The following HAPLN3 variants were observed in gnomAD, a reference collection of about 807,000 sequenced individuals.
The protein encoded by HAPLN3 is hyaluronan and proteoglycan link protein 3.
HAPLN3 carries 28 observed loss-of-function variants against 28.1 expected under a neutral mutation model. That is an observed-to-expected ratio of 1.00 (90% CI 0.74 to 1.37). The LOEUF (loss-of-function observed/expected upper bound fraction) is 1.37, where lower values mean the gene tolerates loss of function less well. HAPLN3 is among the 40% of genes most tolerant of loss of function. The pLI is 0.00. For missense variants in HAPLN3, 513 were observed against 504.6 expected (o/e 1.02, Z -0.16); for synonymous variants, 211 against 213.1 (o/e 0.99, Z 0.09).
intron 2 of HAPLN3, among the ~76,000 whole-genome samples, chr15:88,885,073 A>G (rs762050793): frequency 1.3e-4 from 20 of 152,258 alleles, no homozygotes; most frequent in African/African-American, 4.8e-4. Context: ...CAGCTGACCT[A>G]GGAGACTAAT....
At chr15:88,892,078 G>A (rs905608770) in intron 1 of HAPLN3, among the ~76,000 whole-genome samples, 1 of 152,164 alleles carries the variant, frequency 6.6e-6, no homozygotes, top group African/African-American at 2.4e-5. Context: ...AGGCGTTTCT[G>A]CCACTAAGTG....
chr15:88,892,934 C>T (rs754421539), intron 1 of HAPLN3: 1 of 1,532,164 alleles, frequency 6.5e-7, no homozygotes. Flanking sequence ...ACAGAGGTGC[C>T]ACCAGCTGGA....
In HAPLN3 at chr15:88,879,599, G is replaced by C; in HGVS notation, c.494-330C>G. ...TGCCATCTTCTCCAGACAGGCCCGG[G>C]CTTTGGGCTCTAGGGGCCAGGTTTG... On this transcript the variant is annotated intron_variant, in intron 3 of 4. Transcript: ENST00000359595. This position sits in a 1 kb window ranked among gnomAD's most constrained non-coding sequence, Gnocchi z 5.0. 7.6e-7 allele frequency: 1 copy of C among 1,323,434 alleles called. No homozygotes were observed. Among genetic ancestry groups the C allele is most frequent in the Non-Finnish European group, 9.9e-7 (1 of 1,013,714 alleles). 82.0% of individuals were successfully genotyped at this position (1,323,434 alleles called of 1,614,324 possible).
Position 88,881,200 on chromosome 15 carries a change from C to A in HAPLN3, c.493+157G>T, listed in dbSNP as rs184499216. 164 of 952,238 alleles carry A rather than the reference C, an allele frequency of 1.7e-4. 1 individual carries two copies. In the African/African-American group the frequency reaches 2.4e-3, roughly 14 times the overall value. 59.0% of individuals were successfully genotyped at this position (952,238 alleles called of 1,614,324 possible). On this transcript the variant is annotated intron_variant, in intron 3 of 4. Coordinates refer to ENST00000359595, the MANE Select transcript of HAPLN3 (RefSeq NM_178232.4). The surrounding 1 kb of genome is among the most constrained non-coding windows in gnomAD (Gnocchi z 6.0). ...ACCTCTCTGTGCCTCAGTTTTCTCACCTGTAAAATGGGGGTCACAACAGTA... is the reference window on the plus strand; with the variant it reads ...ACCTCTCTGTGCCTCAGTTTTCTCAACTGTAAAATGGGGGTCACAACAGTA...
At chr15:88,885,025 C>A (rs2141664998) in intron 2 of HAPLN3, among the ~76,000 whole-genome samples, 1 of 152,366 alleles carries the variant, frequency 6.6e-6, no homozygotes, top group Non-Finnish European at 1.5e-5. Context: ...GAATACATTT[C>A]TGTTGTTTCA....
chr15:88,881,117 TG>T lies in HAPLN3; in HGVS notation c.493+239del. ...GAACAGATTCTAGAGGCTGGGTGCT[TG>T]GGTTCAGACCCCAGCTCTGTCGTTT... On this transcript the variant is annotated intron_variant, in intron 3 of 4. Coordinates refer to ENST00000359595, the MANE Select transcript of HAPLN3 (RefSeq NM_178232.4). This position sits in a 1 kb window ranked among gnomAD's most constrained non-coding sequence, Gnocchi z 6.0. The T allele has an allele frequency of 1.8e-6, 1 of 554,432 alleles. No homozygotes were observed. The highest frequency in any genetic ancestry group is 2.4e-5 in the South Asian group (1 of 41,350). 34.3% of individuals were successfully genotyped at this position (554,432 alleles called of 1,614,324 possible).
chr15:88,878,917 T>C (rs749365947), intron 4 of HAPLN3, 50 bp downstream of exon 4: 18 of 1,529,598 alleles, frequency 1.2e-5, no homozygotes, highest in Non-Finnish European at 1.5e-5. Context: ...CTCTCACAGG[T>C]CCCAGGTGGC....
intron 2 of HAPLN3, among the ~76,000 whole-genome samples, chr15:88,885,379 A>G (rs1897821977): frequency 6.6e-6 from 1 of 152,028 alleles, no homozygotes; most frequent in Non-Finnish European, 1.5e-5. Flanking sequence ...AGGTTCAAGC[A>G]ATTCTCATGC....
chr15:88,878,909 C>A, intron 4 of HAPLN3, 58 bp downstream of exon 4: 1 of 1,505,442 alleles, frequency 6.6e-7, no homozygotes, highest in East Asian at 2.4e-5. Flanking sequence ...AAGCTGCCCT[C>A]TCACAGGTCC....
Position 88,881,687 on chromosome 15 carries a change from C to G in HAPLN3, c.163G>C (p.Glu55Gln). 1 of 1,613,470 alleles carries G rather than the reference C, an allele frequency of 6.2e-7. No homozygotes were observed. ...CCTTGGTAGGTGAACAGGGTCTCCT[C>G]GGGTGTCTCCACCACCAGCTTCACT... Reference protein sequence around the residue: ...NGVKLVVETPEETLFTYQGAS... With the variant: ...NGVKLVVETPQETLFTYQGAS... Residue 55 changes from glutamate to glutamine, a missense_variant, in exon 3 of 5, where the codon GAG becomes CAG. Physicochemically the swap from Glu to Gln is conservative, Grantham distance 29 (BLOSUM62 2). Transcript: ENST00000359595. This position sits in a 1 kb window ranked among gnomAD's most constrained non-coding sequence, Gnocchi z 6.0.
Position 88,887,225 on chromosome 15 carries a change from T to C in HAPLN3, c.74A>G (p.Tyr25Cys). Residue 25 changes from tyrosine (Y) to cysteine (C), a missense_variant, in exon 2 of 5, where the codon TAC (tyrosine) becomes TGC (cysteine). Physicochemically the swap from Tyr to Cys is radical, Grantham distance 194 (BLOSUM62 -2). Coordinates refer to ENST00000359595, the MANE Select transcript of HAPLN3 (RefSeq NM_178232.4). Reference protein sequence around the residue: ...SYGLPFYNGFYYSNSANDQNL... With the variant: ...SYGLPFYNGFCYSNSANDQNL... Reference sequence around the variant, plus strand: ...CTGGTCGTTGGCGCTGTTGGAGTAGTAGAAGCCGTTGTAGAAGGGCAGTCC... The same window carrying C: ...CTGGTCGTTGGCGCTGTTGGAGTAGCAGAAGCCGTTGTAGAAGGGCAGTCC... 3 of 1,614,030 alleles carry C rather than the reference T, an allele frequency of 1.9e-6. No individual in the cohort carries two copies. The highest frequency in any genetic ancestry group is 1.7e-6 in the Non-Finnish European group (2 of 1,180,000).
rs775405803 is a variant in HAPLN3, at chr15:88,880,531, G to A, written c.493+826C>T. On this transcript the variant is annotated intron_variant, in intron 3 of 4. Coordinates refer to ENST00000359595, the MANE Select transcript of HAPLN3 (RefSeq NM_178232.4). This position sits in a 1 kb window ranked among gnomAD's most constrained non-coding sequence, Gnocchi z 6.0. Reference sequence around the variant, plus strand: ...CATGTCATAGCTGGGACGGGCTGGGGCTAAAGTCAGGTCACCTTCCTCTAT... The same window carrying A: ...CATGTCATAGCTGGGACGGGCTGGGACTAAAGTCAGGTCACCTTCCTCTAT... 1 of 1,285,058 alleles carries A rather than the reference G, an allele frequency of 7.8e-7. No homozygotes were observed. 79.6% of individuals were successfully genotyped at this position (1,285,058 alleles called of 1,614,324 possible).
intron 1 of HAPLN3, among the ~76,000 whole-genome samples, chr15:88,890,781 T>C (rs1311843437): frequency 3.3e-5 from 5 of 152,214 alleles, no homozygotes; most frequent in Non-Finnish European, 7.3e-5. Context: ...AAACCACAGA[T>C]TGAATGGCAG....
rs1203174267 is a variant in HAPLN3, at chr15:88,893,903, G to A, written c.-48+1556C>T. On this transcript the variant is annotated intron_variant, in intron 1 of 4. Transcript: ENST00000359595. ...AGATTGAGCCATTGCACTCCAGTCTGGGCAAGAAGAGTGAGACTCCATCTC... is the reference window on the plus strand; with the variant it reads ...AGATTGAGCCATTGCACTCCAGTCTAGGCAAGAAGAGTGAGACTCCATCTC... 4.1e-4 allele frequency among the ~76,000 whole-genome samples: 60 copies of A among 146,506 alleles called. 2 individuals are homozygous for A. Among genetic ancestry groups the A allele is most frequent in the African/African-American group, 7.7e-5 (3 of 39,088 alleles).
chr15:88,885,005 A>G (rs1567203182), intron 2 of HAPLN3, among the ~76,000 whole-genome samples: 1 of 152,262 alleles, frequency 6.6e-6, no homozygotes, highest in Non-Finnish European at 1.5e-5. Context: ...TGGTGCCTAA[A>G]GCAGTGAGAG....
At chr15:88,890,778 A>T (rs1271138555) in intron 1 of HAPLN3, among the ~76,000 whole-genome samples, 1 of 152,216 alleles carries the variant, frequency 6.6e-6, no homozygotes, top group Non-Finnish European at 1.5e-5. Flanking sequence ...TGGAAACCAC[A>T]GATTGAATGG....
At chr15:88,891,208 T>G (rs544726033) in intron 1 of HAPLN3, among the ~76,000 whole-genome samples, 1 of 152,120 alleles carries the variant, frequency 6.6e-6, no homozygotes, top group African/African-American at 2.4e-5. Flanking sequence ...CAGCTTAGCC[T>G]CACTTGTCCT....
chr15:88,887,453 C>CA, intron 1 of HAPLN3, 108 bp from the exon 2 acceptor site: 5 of 980,712 alleles, frequency 5.1e-6, no homozygotes, highest in Non-Finnish European at 6.0e-6. Context: ...CACTGCGGGA[C>CA]ACCTGCCGCC....
At chr15:88,890,173 T>C (rs1007132965) in intron 1 of HAPLN3, among the ~76,000 whole-genome samples, 95 of 152,204 alleles carry the variant, frequency 6.2e-4, no homozygotes, top group Non-Finnish European at 1.5e-4. Context: ...CTGGAGAGAA[T>C]GGATGTAAAG....
Sources: gnomAD v4.1 joint callset for allele counts (sites outside exome capture counted in the v4.1 genomes callset) on GRCh38, gnomAD v4.1.1 for gene constraint, Gnocchi (gnomAD v3.1) non-coding constraint, MANE v1.5 for transcripts, NCBI Gene and HGNC (gene_info 2026-07-23, HGNC 2026-07-21) for gene names.